HIBADH: variants seen among roughly 807,000 people sequenced by gnomAD.
The protein encoded by HIBADH is 3-hydroxyisobutyrate dehydrogenase, mitochondrial.
HIBADH carries 25 observed loss-of-function variants against 36.1 expected under a neutral mutation model. That is an observed-to-expected ratio of 0.69 (90% CI 0.50 to 0.97). HIBADH has a LOEUF of 0.97. Ranked by LOEUF, HIBADH falls within the 50% of genes least tolerant of loss-of-function variation. The pLI is 0.00. For synonymous variants in HIBADH, 160 were observed against 149.5 expected (o/e 1.07, Z -0.51); for missense variants, 421 against 418.0 (o/e 1.01, Z -0.06).
intron 4 of HIBADH, among the ~76,000 whole-genome samples, chr7:27,625,715 A>G (rs72596966): frequency 0.2 from 30,983 of 152,042 alleles, 4,146 homozygotes; most frequent in East Asian, 0.53. Flanking sequence ...AAAATTGGGG[A>G]AAAAAACTTA....
At position 27,547,820 on chromosome 7, in the gene HIBADH, C is replaced by G. The variant is rs79692257; in HGVS notation, c.485-4720G>C. On this transcript the variant is annotated intron_variant, in intron 4 of 7. Transcript: ENST00000265395. ...ACATTTATTATATTAATACACAAAA[C>G]TATGGCATGTTTTACTTTGCACAAA... Among the ~76,000 whole-genome samples the G allele has an allele frequency of 6.1e-3, 922 of 152,114 alleles. 12 individuals carry two copies. The highest frequency in any genetic ancestry group is 0.02 in the African/African-American group (846 of 41,486).
chr7:27,650,195 G>C (rs1056369507), intron 1 of HIBADH, among the ~76,000 whole-genome samples: 1 of 150,792 alleles, frequency 6.6e-6, no homozygotes, highest in Non-Finnish European at 1.5e-5. Context: ...TCAAAAAGAC[G>C]TAAGTCTTGG....
chr7:27,582,354 G>A (rs1562630379), intron 4 of HIBADH, among the ~76,000 whole-genome samples: 1 of 151,978 alleles, frequency 6.6e-6, no homozygotes, highest in Non-Finnish European at 1.5e-5. Flanking sequence ...GATTACAGGG[G>A]GCTGCCCTGG....
chr7:27,603,878 A>G (rs1785173799), intron 4 of HIBADH, among the ~76,000 whole-genome samples: 1 of 152,146 alleles, frequency 6.6e-6, no homozygotes, highest in Non-Finnish European at 1.5e-5. Context: ...AAAGAATCCA[A>G]AAGTGTGAGT....
At chr7:27,632,526 T>G in intron 2 of HIBADH, 81 bp from the exon 3 acceptor site, 4 of 832,916 alleles carry the variant, frequency 4.8e-6, no homozygotes. Context: ...CCACTTTTCA[T>G]GCATGCCTAT....
At chr7:27,562,367 T>G (rs1784480611) in intron 4 of HIBADH, among the ~76,000 whole-genome samples, 1 of 152,242 alleles carries the variant, frequency 6.6e-6, no homozygotes, top group Non-Finnish European at 1.5e-5. Flanking sequence ...GTATTTTAGT[T>G]CTTTAATTCC....
intron 4 of HIBADH, among the ~76,000 whole-genome samples, chr7:27,585,011 ATT>A (rs1335884298): frequency 6.6e-6 from 1 of 151,948 alleles, no homozygotes; most frequent in Non-Finnish European, 1.5e-5. Context: ...CTTTACACAT[ATT>A]CTTACTCTGG....
At chr7:27,606,921 A>C (rs1785237750) in intron 4 of HIBADH, among the ~76,000 whole-genome samples, 1 of 138,714 alleles carries the variant, frequency 7.2e-6, no homozygotes, top group African/African-American at 3.4e-5. Flanking sequence ...GGACAATGTA[A>C]TCTCTCTCTC....
In HIBADH at chr7:27,632,954, A is replaced by G. The variant is rs1785773017; in HGVS notation, c.253-509T>C. On this transcript the variant is annotated intron_variant, in intron 2 of 7. Coordinates refer to ENST00000265395, the MANE Select transcript of HIBADH (RefSeq NM_152740.4). ...TCAAGCAAAAAAAAAAGAAGAAAGT[A>G]TCTGTTTCAGAAAAGAAAAGTCTGT... Among the ~76,000 whole-genome samples, 4 of 152,164 alleles carry G rather than the reference A, an allele frequency of 2.6e-5. No individual in the cohort carries two copies. The South Asian group carries it at 8.3e-4, about 31-fold the overall frequency.
chr7:27,527,274 G>C (rs1783917562), intron 7 of HIBADH, among the ~76,000 whole-genome samples: 1 of 152,150 alleles, frequency 6.6e-6, no homozygotes, highest in Non-Finnish European at 1.5e-5. Flanking sequence ...AGCTTCAAAG[G>C]AGAAGTGACA....
intron 4 of HIBADH, among the ~76,000 whole-genome samples, chr7:27,568,058 C>T (rs954571989): frequency 6.6e-6 from 1 of 152,184 alleles, no homozygotes; most frequent in Non-Finnish European, 1.5e-5. Context: ...TTTTTAATCA[C>T]AACCATCACA....
Position 27,526,227 on chromosome 7 carries a change from T to A in HIBADH, c.998A>T (p.Glu333Val), listed in dbSNP as rs887393561. The change falls in exon 8 of 8, where the codon GAG becomes GTG. Residue 333 changes from glutamate to valine, a missense_variant. Glu to Val is a moderately radical substitution (Grantham distance 121). Transcript: ENST00000265395. ...CAAAGGGCACACTCAGAAGGTCTCC[T>A]CCTCTCGTAGGAACTGGAACACGGA... ...FSSVFQFLREEETF is the reference protein window; with the variant it reads ...FSSVFQFLREVETF 44 of 1,610,552 alleles carry A rather than the reference T, an allele frequency of 2.7e-5. No homozygotes were observed. Among genetic ancestry groups the A allele is most frequent in the Non-Finnish European group, 3.6e-5 (43 of 1,178,488 alleles).
At chr7:27,631,986 C>A (rs1179833355) in intron 3 of HIBADH, among the ~76,000 whole-genome samples, 1 of 152,110 alleles carries the variant, frequency 6.6e-6, no homozygotes, top group Admixed American at 6.5e-5. Flanking sequence ...TTTCATAAAA[C>A]CCTTTTCCTG....
chr7:27,612,489 T>C (rs905335272), intron 4 of HIBADH, among the ~76,000 whole-genome samples: 1 of 151,942 alleles, frequency 6.6e-6, no homozygotes, highest in African/African-American at 2.4e-5. Context: ...CACGCCCAGA[T>C]ACTTTTTATT....
chr7:27,570,716 G>A (rs181435669), intron 4 of HIBADH, among the ~76,000 whole-genome samples: 1 of 152,036 alleles, frequency 6.6e-6, no homozygotes, highest in Admixed American at 6.5e-5. Flanking sequence ...GGGCGGTGGG[G>A]GGAGTAAAAA....
intron 2 of HIBADH, among the ~76,000 whole-genome samples, chr7:27,641,555 T>C (rs1377473075): frequency 6.6e-6 from 1 of 152,228 alleles, no homozygotes; most frequent in Non-Finnish European, 1.5e-5. Context: ...GTCTTGGCCT[T>C]ATGGTAATAG....
intron 3 of HIBADH, among the ~76,000 whole-genome samples, chr7:27,631,837 T>C (rs900250748): frequency 6.6e-6 from 1 of 152,230 alleles, no homozygotes; most frequent in South Asian, 2.1e-4. Context: ...CTGACATAAA[T>C]GGGTTAAAGA....
At position 27,630,116 on chromosome 7, in the gene HIBADH, CTT is replaced by C. The variant is rs972009705; in HGVS notation, c.363-626_363-625del. 9.9e-5 allele frequency among the ~76,000 whole-genome samples: 15 copies of C among 152,202 alleles called. 1 individual carries two copies. The highest frequency in any genetic ancestry group is 6.8e-3 in the Middle Eastern group (2 of 294). On this transcript the variant is annotated intron_variant, in intron 3 of 7. Coordinates refer to ENST00000265395, the MANE Select transcript of HIBADH (RefSeq NM_152740.4). The stretch of plus-strand genomic sequence containing the variant: ...CAGTCTTTTTGGCTTTTTAGGGTAA[CTT>C]ATATATATACACTATAAGGCAGTGT...
intron 4 of HIBADH, among the ~76,000 whole-genome samples, chr7:27,618,438 A>G (rs1456010919): frequency 1.3e-5 from 2 of 152,200 alleles, no homozygotes; most frequent in Non-Finnish European, 2.9e-5. Context: ...AGCCACCACC[A>G]TCACCAGCCC....
Sources: gnomAD v4.1 joint callset for allele counts (sites outside exome capture counted in the v4.1 genomes callset) on GRCh38, gnomAD v4.1.1 for gene constraint, MANE v1.5 for transcripts, NCBI Gene and HGNC (gene_info 2026-07-23, HGNC 2026-07-21) for gene names.